The following ADGRB1 variants were observed in gnomAD, a reference collection of about 807,000 sequenced individuals.
The protein encoded by ADGRB1 is brain-specific angiogenesis inhibitor 1.
In ADGRB1, 36 loss-of-function variants were observed where a neutral mutation model predicts 175.7. The ratio of observed to expected loss-of-function variants is 0.20; its 90% confidence interval spans 0.16 to 0.27. The LOEUF (loss-of-function observed/expected upper bound fraction) is 0.27, where lower values mean the gene tolerates loss of function less well. ADGRB1 is among the 10% of genes least tolerant of loss of function. The probability of loss-of-function intolerance (pLI) is 1.00; values close to 1 mark genes in which losing one functional copy is unlikely to be tolerated. For missense variants in ADGRB1, 1,731 were observed against 2,255.3 expected (o/e 0.77, Z 4.71); for synonymous variants, 1,054 against 979.4 (o/e 1.08, Z -1.42).
In ADGRB1 at chr8:142,520,888, C is replaced by T. The variant is rs1277400274; in HGVS notation, c.2987C>T (p.Ala996Val). The change falls in exon 20 of 31, where the codon GCC becomes GTC. Residue 996 changes from alanine (A) to valine (V), a missense_variant. By Grantham distance (64) the Ala-to-Val change is moderately conservative. Around this residue, in one of 8 missense-constraint regions of ADGRB1, gnomAD observed 301 missense variants for 488.4 expected, o/e 0.62. Transcript: ENST00000517894. ...TGCCTGTCCATCATCTCCTCCAATGCCCTCATCCTCATCGGGCAGACCCAG... is the reference window on the plus strand; with the variant it reads ...TGCCTGTCCATCATCTCCTCCAATGTCCTCATCCTCATCGGGCAGACCCAG... ...NFCLSIISSN[A>V]LILIGQTQTR... 6.2e-7 allele frequency: 1 copy of T among 1,613,696 alleles called. No individual in the cohort carries two copies. Among genetic ancestry groups the T allele is most frequent in the Non-Finnish European group, 8.5e-7 (1 of 1,179,712 alleles).
intron 19 of ADGRB1, among the ~76,000 whole-genome samples, chr8:142,519,834 ATGG>A (rs1004647881): frequency 2.8e-5 from 3 of 107,706 alleles, no homozygotes; most frequent in Non-Finnish European, 3.9e-5. Context: ...GGTGATTGTG[ATGG>A]TGGTAGTGAT....
At chr8:142,490,652 T>G (rs556701198) in intron 16 of ADGRB1, 120 bp from the exon 17 acceptor site, 117 of 1,214,096 alleles carry the variant, frequency 9.6e-5, no homozygotes, top group Admixed American at 4.4e-4. Flanking sequence ...CGCAGTCTGT[T>G]CAGGGACCCG....
At chr8:142,528,063 G>A (rs1450229961) in intron 24 of ADGRB1, among the ~76,000 whole-genome samples, 2 of 122,300 alleles carry the variant, frequency 1.6e-5, no homozygotes, top group African/African-American at 3.1e-5. Flanking sequence ...CGCCGCCCAC[G>A]TAGACGGGAT....
chr8:142,454,219 C>G (rs551874932), intron 1 of ADGRB1, among the ~76,000 whole-genome samples: 1 of 152,174 alleles, frequency 6.6e-6, no homozygotes, highest in Admixed American at 6.5e-5. Flanking sequence ...CTGCACAAGA[C>G]GCAGGCCACA....
intron 21 of ADGRB1, 28 bp downstream of exon 21, chr8:142,522,143 G>T (rs1230966980): frequency 6.3e-7 from 1 of 1,597,812 alleles, no homozygotes; most frequent in South Asian, 1.1e-5. Flanking sequence ...CGACCCTCCT[G>T]GACAGATACC....
intron 2 of ADGRB1, among the ~76,000 whole-genome samples, chr8:142,472,442 C>G (rs1263286411): frequency 6.6e-6 from 1 of 152,196 alleles, no homozygotes; most frequent in Non-Finnish European, 1.5e-5. Context: ...CACCCCCCAG[C>G]CTGCTTGCTG....
At chr8:142,525,704 C>T (rs532447376) in intron 23 of ADGRB1, among the ~76,000 whole-genome samples, 46 of 152,292 alleles carry the variant, frequency 3.0e-4, no homozygotes, top group African/African-American at 9.6e-4. Flanking sequence ...GTCTTCTGGA[C>T]GTGAAATGCC....
At chr8:142,514,449 A>G (rs1450954898) in intron 18 of ADGRB1, among the ~76,000 whole-genome samples, 1 of 152,192 alleles carries the variant, frequency 6.6e-6, no homozygotes. Context: ...TGTGAGGCGG[A>G]TGATGCCACC....
chr8:142,520,256 A>ATGATGG (rs1367166771), intron 19 of ADGRB1, among the ~76,000 whole-genome samples: 52 of 83,272 alleles, frequency 6.2e-4, no homozygotes, highest in Admixed American at 2.7e-3. Flanking sequence ...GGTGGTGGTG[A>ATGATGG]TGATGGTGAT....
In ADGRB1 at chr8:142,544,399, C is replaced by T; in HGVS notation, c.4737C>T (p.Asp1579=). The part of the protein sequence containing the change: ...TIPLVGQDII[D]LQTEV ...CGCTGGTGGGCCAGGACATCATCGA[C>T]CTCCAGACCGAGGTCTGAGCGGGTG... is the stretch of plus-strand genomic sequence containing the variant. Residue 1579 remains aspartate, a synonymous_variant, in exon 31 of 31, where the codon GAC becomes GAT. Coordinates refer to ENST00000517894, the MANE Select transcript of ADGRB1 (RefSeq NM_001702.3). 2 of 1,504,272 alleles carry T rather than the reference C, an allele frequency of 1.3e-6. No homozygotes were observed. Among genetic ancestry groups the T allele is most frequent in the Non-Finnish European group, 1.8e-6 (2 of 1,123,594 alleles). 93.2% of individuals were successfully genotyped at this position (1,504,272 alleles called of 1,614,324 possible). A position where few individuals can be genotyped will look rare whatever the true frequency, so the allele number is the denominator to read the frequency against.
At position 142,490,714 on chromosome 8, in the gene ADGRB1, G is replaced by A. The variant is rs144544334; in HGVS notation, c.2632-58G>A. The A allele has an allele frequency of 4.0e-4, 608 of 1,534,584 alleles. 4 individuals are homozygous for A. The Middle Eastern group carries it at 7.4e-3, about 19-fold the overall frequency. On this transcript the variant is annotated intron_variant, in intron 16 of 30. Coordinates refer to ENST00000517894, the MANE Select transcript of ADGRB1 (RefSeq NM_001702.3). Reference sequence around the variant, plus strand: ...CTTTAGGTGGGTCCCATGGTGACCCGAGGGTGGGGGCTGGTCCTGGCTGCC... The same window carrying A: ...CTTTAGGTGGGTCCCATGGTGACCCAAGGGTGGGGGCTGGTCCTGGCTGCC...
At chr8:142,522,195 C>T (rs776883756) in intron 21 of ADGRB1, 80 bp downstream of exon 21, 9 of 1,544,710 alleles carry the variant, frequency 5.8e-6, no homozygotes, top group South Asian at 2.4e-5. Flanking sequence ...AGCCCCTCCT[C>T]TCCCCATCCC....
intron 18 of ADGRB1, among the ~76,000 whole-genome samples, chr8:142,513,504 G>A (rs1044017490): frequency 2.6e-5 from 4 of 152,206 alleles, no homozygotes; most frequent in African/African-American, 9.7e-5. Flanking sequence ...TGCTCTCTGG[G>A]TGCAGCCTGC....
chr8:142,537,102 G>A lies in ADGRB1; in HGVS notation c.3666+20G>A, dbSNP rs1451461502. 5 of 1,461,616 alleles carry A rather than the reference G, an allele frequency of 3.4e-6. No homozygotes were observed. The highest frequency in any genetic ancestry group is 4.5e-6 in the Non-Finnish European group (5 of 1,102,908). The allele number at this position is 1,461,616 out of a possible 1,614,324, so 90.5% of individuals were successfully genotyped here. On this transcript the variant is annotated intron_variant, in intron 26 of 30. Transcript: ENST00000517894. The surrounding 1 kb of genome is among the most constrained non-coding windows in gnomAD (Gnocchi z 4.6). ...CTCATGGTAGGACTCAGGGCCCGGG[G>A]ACTCAGGCTGCCCTACCTGCCTCGT...
chr8:142,476,787 T>C lies in ADGRB1; in HGVS notation c.1057+92T>C, dbSNP rs1841002554. ...AGCTAGTTATGGGTAGTAACTTGAA[T>C]AACATGCCATAACTAGACTAAACCC... On this transcript the variant is annotated intron_variant, in intron 4 of 30. Transcript: ENST00000517894. 8 of 1,222,946 alleles carry C rather than the reference T, an allele frequency of 6.5e-6. No individual in the cohort carries two copies. In the South Asian group the frequency reaches 1.2e-4, roughly 18 times the overall value. The allele number at this position is 1,222,946 out of a possible 1,614,324, so 75.8% of individuals were successfully genotyped here.
In ADGRB1 at chr8:142,449,678, A is replaced by G. The variant is rs1413497109; in HGVS notation, c.-646A>G. On this transcript the variant is annotated 5_prime_UTR_variant, in exon 1 of 31. Transcript: ENST00000517894. Reference sequence around the variant, plus strand: ...AGAGCCGGGCAGGCGAGAGGAGCGGAGCGGCGGCGGCGGCCGGAGAGGGAG... The same window carrying G: ...AGAGCCGGGCAGGCGAGAGGAGCGGGGCGGCGGCGGCGGCCGGAGAGGGAG... The G allele has an allele frequency of 7.7e-6, 1 of 130,324 alleles. No homozygotes were observed. Among genetic ancestry groups the G allele is most frequent in the Non-Finnish European group, 1.6e-5 (1 of 63,576 alleles). The allele number at this position is 130,324 out of a possible 1,614,324, so 8.1% of individuals were successfully genotyped here.
rs1401608296 is a variant in ADGRB1, at chr8:142,542,393, A to G, written c.4159A>G (p.Ser1387Gly). Residue 1387 changes from serine to glycine, a missense_variant, in exon 28 of 31, where the codon AGC (serine) becomes GGC (glycine). Around this residue, in one of 8 missense-constraint regions of ADGRB1, gnomAD observed 394 missense variants for 410.2 expected, o/e 0.96. Transcript: ENST00000517894. The surrounding 1 kb of genome is among the most constrained non-coding windows in gnomAD (Gnocchi z 6.3). ...CCACCTCAGCACGGCCCCCGAGGCCAGCCTCCCCGCCCGCAGCCCGCCCTC... is the reference window on the plus strand; with the variant it reads ...CCACCTCAGCACGGCCCCCGAGGCCGGCCTCCCCGCCCGCAGCCCGCCCTC... The part of the protein sequence containing the change: ...LIHLSTAPEA[S>G]LPARSPPSRQ... 5 of 1,551,064 alleles carry G rather than the reference A, an allele frequency of 3.2e-6. No individual in the cohort carries two copies. Among genetic ancestry groups the G allele is most frequent in the Non-Finnish European group, 3.5e-6 (4 of 1,149,752 alleles).
Position 142,514,366 on chromosome 8 carries a change from C to T in ADGRB1, c.2817+3293C>T, listed in dbSNP as rs577679931. The stretch of plus-strand genomic sequence containing the variant: ...AGGGTGTCGGCGCAGATGCGGGCTG[C>T]GCAGATGCCGGCTCTGCGGCTGCAG... On this transcript the variant is annotated intron_variant, in intron 18 of 30. Transcript: ENST00000517894. 5.3e-5 allele frequency among the ~76,000 whole-genome samples: 8 copies of T among 152,252 alleles called. No individual in the cohort carries two copies. The South Asian group carries it at 1.0e-3, about 20-fold the overall frequency.
Position 142,511,906 on chromosome 8 carries a change from C to T in ADGRB1, c.2817+833C>T, listed in dbSNP as rs1163261450. 6.6e-6 allele frequency among the ~76,000 whole-genome samples: 1 copy of T among 152,240 alleles called. No individual in the cohort carries two copies. Among genetic ancestry groups the T allele is most frequent in the Non-Finnish European group, 1.5e-5 (1 of 68,026 alleles). Reference sequence around the variant, plus strand: ...CCTCGTGTGGAAGCCTGGGAGGCAGCAGGGGTGGAGGATGCACTTGGAGGG... The same window carrying T: ...CCTCGTGTGGAAGCCTGGGAGGCAGTAGGGGTGGAGGATGCACTTGGAGGG... On this transcript the variant is annotated intron_variant, in intron 18 of 30. Coordinates refer to ENST00000517894, the MANE Select transcript of ADGRB1 (RefSeq NM_001702.3). This position sits in a 1 kb window ranked among gnomAD's most constrained non-coding sequence, Gnocchi z 4.5.
Sources: allele counts gnomAD v4.1 joint callset (sites outside exome capture counted in the v4.1 genomes callset), GRCh38; gene constraint gnomAD v4.1.1; regional missense constraint gnomAD v4.1.1; non-coding constraint Gnocchi (gnomAD v3.1); transcripts MANE v1.5; gene names NCBI Gene and HGNC (gene_info 2026-07-23, HGNC 2026-07-21).